The following CASP6 variants were observed in gnomAD, a reference collection of about 807,000 sequenced individuals.
CASP6 encodes caspase 6, also known as caspase-6.
A neutral mutation model predicts 31.8 loss-of-function variants in CASP6; 20 were observed. The ratio of observed to expected loss-of-function variants is 0.63; its 90% confidence interval spans 0.44 to 0.91. CASP6 has a LOEUF of 0.91. CASP6 is among the 40% of genes least tolerant of loss of function. The pLI is 0.00. For missense variants in CASP6, 328 were observed against 361.1 expected (o/e 0.91, Z 0.74); for synonymous variants, 130 against 127.8 (o/e 1.02, Z -0.12).
chr4:109,674,229 G>A, the CASP6 span: 10 of 733,406 alleles, frequency 1.4e-5, no homozygotes, highest in Non-Finnish European at 2.0e-5. Flanking sequence ...GGGTTTAGAT[G>A]GTAACATGGC....
upstream of CASP6, among the ~76,000 whole-genome samples, chr4:109,705,607 G>A (rs1004475204): frequency 6.6e-6 from 1 of 152,066 alleles, no homozygotes; most frequent in African/African-American, 2.4e-5. Context: ...GAACATTTGT[G>A]ATTCATGGGA....
chr4:109,703,500 C>A, upstream of CASP6: 1 of 1,446,630 alleles, frequency 6.9e-7, no homozygotes, highest in Non-Finnish European at 9.4e-7. Flanking sequence ...CCGCCCCCTG[C>A]CCCCGAGCGT....
chr4:109,686,781 C>T (rs1033471437), downstream of CASP6, among the ~76,000 whole-genome samples: 4 of 152,112 alleles, frequency 2.6e-5, no homozygotes, highest in African/African-American at 4.8e-5. Context: ...GAAGCTGAAG[C>T]AGGAAGATCC....
At chr4:109,694,477 T>G in intron 5 of CASP6, 48 bp downstream of exon 5, 3 of 1,454,820 alleles carry the variant, frequency 2.1e-6, no homozygotes, top group Non-Finnish European at 2.7e-6. Context: ...TATCACATGT[T>G]CAGAATGACA....
chr4:109,703,740 C>T (rs913906808), upstream of CASP6, among the ~76,000 whole-genome samples: 1 of 152,222 alleles, frequency 6.6e-6, no homozygotes, highest in South Asian at 2.1e-4. Flanking sequence ...GAGGCAATTT[C>T]ACATCACTTG....
At chr4:109,684,974 A>C, downstream of CASP6, 1 of 390,672 alleles carries the variant, frequency 2.6e-6, no homozygotes, top group South Asian at 5.8e-5. Flanking sequence ...TGGTTATTTA[A>C]TATGCCAAAA....
upstream of CASP6, among the ~76,000 whole-genome samples, chr4:109,705,839 G>C (rs1447656883): frequency 6.9e-6 from 1 of 144,846 alleles, no homozygotes; most frequent in African/African-American, 2.6e-5. Flanking sequence ...AATTAGCCAA[G>C]AGTGGTGGCA....
chr4:109,685,329 G>A (rs765764154), downstream of CASP6: 37 of 1,579,662 alleles, frequency 2.3e-5, 1 homozygote, highest in Middle Eastern at 1.5e-3. Context: ...GCACTTTGAT[G>A]TGCAGCAATA....
Position 109,690,869 on chromosome 4 carries a change from C to T in CASP6, c.624G>A (p.Met208Ile), listed in dbSNP as rs1011253340. The T allele has an allele frequency of 6.2e-7, 1 of 1,611,592 alleles. No individual in the cohort carries two copies. Among genetic ancestry groups the T allele is most frequent in the Non-Finnish European group, 8.5e-7 (1 of 1,178,976 alleles). The change falls in exon 6 of 7, where the codon ATG becomes ATA. Residue 208 changes from methionine to isoleucine, a missense_variant. By Grantham distance (10) the Met-to-Ile change is conservative. Coordinates refer to ENST00000265164, the MANE Select transcript of CASP6 (RefSeq NM_001226.4). Reference protein sequence around the residue: ...YTLPAGADFLMCYSVAEGYYS... With the variant: ...YTLPAGADFLICYSVAEGYYS... ...ACACACCTTCTGCAACAGAGTAACA[C>T]ATGAGGAAGTCAGCTCCAGCAGGCA... is the stretch of plus-strand genomic sequence containing the variant.
chr4:109,703,618 A>G, upstream of CASP6: 4 of 582,132 alleles, frequency 6.9e-6, no homozygotes, highest in South Asian at 4.6e-5. Flanking sequence ...GGGGACCAAG[A>G]GCGCGGGGGC....
intron 6 of CASP6, 40 bp from the exon 7 acceptor site, chr4:109,689,608 G>C: frequency 6.4e-7 from 1 of 1,556,462 alleles, no homozygotes; most frequent in Non-Finnish European, 8.9e-7. Context: ...CAGTTTTCTG[G>C]CTTTCAATTA....
chr4:109,697,963 C>T (rs1730303205), intron 2 of CASP6, among the ~76,000 whole-genome samples, 195 bp from the exon 3 acceptor site: 1 of 152,162 alleles, frequency 6.6e-6, no homozygotes, highest in African/African-American at 2.4e-5. Context: ...TAAAGAGCAG[C>T]CATGTGCCAT....
At chr4:109,705,145 C>A (rs192101138), upstream of CASP6, among the ~76,000 whole-genome samples, 7 of 152,336 alleles carry the variant, frequency 4.6e-5, no homozygotes, top group African/African-American at 1.7e-4. Flanking sequence ...GGGGCTAATA[C>A]AACTGATGAC....
At chr4:109,689,630 CT>C in intron 6 of CASP6, 62 bp from the exon 7 acceptor site, 1 of 1,405,028 alleles carries the variant, frequency 7.1e-7, no homozygotes. Flanking sequence ...TGTGTGTATT[CT>C]TTTTAGTTAC....
chr4:109,689,433 C>T lies in CASP6; in HGVS notation c.779G>A (p.Arg260Gln), dbSNP rs190973032. 83 of 1,614,194 alleles carry T rather than the reference C, an allele frequency of 5.1e-5. No individual in the cohort carries two copies. The highest frequency in any genetic ancestry group is 3.2e-4 in the South Asian group (29 of 91,082). ...ACTTGGGTCTTTGCAAAAGTCCACT[C>T]GGCGCTGAGAAACTTTCCTGTTCAC... ...TLVNRKVSQR[R>Q]VDFCKDPSAI... Residue 260 changes from arginine to glutamine, a missense_variant, in exon 7 of 7, where the codon CGA becomes CAA. Physicochemically the swap from Arg to Gln is conservative, Grantham distance 43 (BLOSUM62 1). Coordinates refer to ENST00000265164, the MANE Select transcript of CASP6 (RefSeq NM_001226.4).
At chr4:109,706,168 T>TACAC (rs1554022991), upstream of CASP6, among the ~76,000 whole-genome samples, 3 of 92,472 alleles carry the variant, frequency 3.2e-5, no homozygotes, top group East Asian at 2.6e-4. Context: ...TATATATATA[T>TACAC]ATACACACAC....
chr4:109,666,320 A>C, the CASP6 span, among the ~76,000 whole-genome samples: 1 of 152,206 alleles, frequency 6.6e-6, no homozygotes, highest in African/African-American at 2.4e-5. Flanking sequence ...AATACCCAGG[A>C]ACATGATTGC....
Position 109,689,309 on chromosome 4 carries a change from A to AAATT in CASP6, c.*17_*20dup. The stretch of plus-strand genomic sequence containing the variant: ...AAAGCCATTTTCAATACAGAGTGTA[A>AAATT]AATTAGATAGCCTCTATTAATTAAT... On this transcript the variant is annotated 3_prime_UTR_variant, in exon 7 of 7. Coordinates refer to ENST00000265164, the MANE Select transcript of CASP6 (RefSeq NM_001226.4). The AAATT allele has an allele frequency of 6.2e-7, 1 of 1,607,382 alleles. No individual in the cohort carries two copies. Among genetic ancestry groups the AAATT allele is most frequent in the Non-Finnish European group, 8.5e-7 (1 of 1,174,602 alleles).
chr4:109,688,703 C>T lies in CASP6; in HGVS notation c.*627G>A, dbSNP rs1276437461. On this transcript the variant is annotated 3_prime_UTR_variant, in exon 7 of 7. Coordinates refer to ENST00000265164, the MANE Select transcript of CASP6 (RefSeq NM_001226.4). ...ACCTTTAAAAACATCAAACAATAAA[C>T]TTTTATAAAAAAGTGACAAAATACA... 6.6e-6 allele frequency: 1 copy of T among 151,944 alleles called. No individual in the cohort carries two copies. Among genetic ancestry groups the T allele is most frequent in the East Asian group, 1.9e-4 (1 of 5,186 alleles). 9.4% of individuals were successfully genotyped at this position (151,944 alleles called of 1,614,324 possible).
Sources: allele counts gnomAD v4.1 joint callset (sites outside exome capture counted in the v4.1 genomes callset), GRCh38; gene constraint gnomAD v4.1.1; transcripts MANE v1.5; gene names NCBI Gene and HGNC (gene_info 2026-07-23, HGNC 2026-07-21).